GRB2: variants seen among roughly 807,000 people sequenced by gnomAD.
GRB2 encodes the protein growth factor receptor-bound protein 2.
In GRB2, 2 loss-of-function variants were observed where a neutral mutation model predicts 27.4. That is an observed-to-expected ratio of 0.07 (90% confidence interval 0.03 to 0.23). The LOEUF (loss-of-function observed/expected upper bound fraction) is 0.23. Among genes scored for constraint, GRB2 ranks in the 10% least tolerant of loss-of-function variants. The pLI is 1.00. For missense variants in GRB2, 102 were observed against 282.4 expected (o/e 0.36, Z 4.58); for synonymous variants, 94 against 99.6 (o/e 0.94, Z 0.33).
intron 3 of GRB2, among the ~76,000 whole-genome samples, chr17:75,329,307 G>A (rs1030785217): frequency 6.6e-6 from 1 of 151,994 alleles, no homozygotes; most frequent in Non-Finnish European, 1.5e-5. Context: ...AAATAGCCTA[G>A]ATGTACATGA....
intron 2 of GRB2, chr17:75,370,954 A>T (rs935949488): frequency 6.6e-6 from 1 of 152,218 alleles, no homozygotes; most frequent in Non-Finnish European, 1.5e-5. Flanking sequence ...GTTGGATGGA[A>T]CAAATGTCCA....
chr17:75,391,609 T>C (rs570160357), intron 2 of GRB2, among the ~76,000 whole-genome samples: 31 of 152,114 alleles, frequency 2.0e-4, no homozygotes, highest in African/African-American at 6.3e-4. Flanking sequence ...GAGATTGAGA[T>C]CATCCTGGCT....
chr17:75,405,335 G>C (rs777307150), intron 1 of GRB2, 154 bp downstream of exon 1: 1 of 152,460 alleles, frequency 6.6e-6, no homozygotes, highest in East Asian at 1.9e-4. Flanking sequence ...GAAACGTAGA[G>C]TCCGGAGCCC....
intron 2 of GRB2, among the ~76,000 whole-genome samples, chr17:75,381,499 A>G (rs925538178): frequency 1.3e-5 from 2 of 151,812 alleles, no homozygotes; most frequent in Non-Finnish European, 2.9e-5. Flanking sequence ...CGGGCAGATC[A>G]TGAGGTCAGG....
At chr17:75,390,343 T>C (rs563688818) in intron 2 of GRB2, among the ~76,000 whole-genome samples, 86 of 152,310 alleles carry the variant, frequency 5.6e-4, no homozygotes, top group Non-Finnish European at 9.6e-4. Flanking sequence ...TAAATGGCAG[T>C]TGCAACTCCT....
intron 2 of GRB2, among the ~76,000 whole-genome samples, chr17:75,392,666 G>A (rs2079005731): frequency 6.6e-6 from 1 of 152,080 alleles, no homozygotes; most frequent in Non-Finnish European, 1.5e-5. Context: ...TGAGACACAG[G>A]GAACACTCAA....
chr17:75,385,565 G>A (rs968907225), intron 2 of GRB2, among the ~76,000 whole-genome samples: 1 of 151,986 alleles, frequency 6.6e-6, no homozygotes, highest in Non-Finnish European at 1.5e-5. Flanking sequence ...ATAAAAAAAG[G>A]GAAAAGAACA....
chr17:75,327,379 CT>C (rs1180525289), intron 3 of GRB2, among the ~76,000 whole-genome samples: 22 of 114,138 alleles, frequency 1.9e-4, no homozygotes, highest in East Asian at 5.3e-4. Flanking sequence ...ACGCCCGGCC[CT>C]TTTTTTTTTA....
At chr17:75,404,939 T>C (rs1006479783) in intron 1 of GRB2, 1 of 147,364 alleles carries the variant, frequency 6.8e-6, no homozygotes, top group Non-Finnish European at 1.5e-5. Context: ...TGAATTTTTC[T>C]TGACAAATAT....
At chr17:75,337,886 CTACTACTACTACTACTAT>C (rs1391820774) in intron 2 of GRB2, among the ~76,000 whole-genome samples, 1 of 122,782 alleles carries the variant, frequency 8.1e-6, no homozygotes. Context: ...ACTACTACTA[CTACTACTACTACTACTAT>C]TATTATTATT....
intron 2 of GRB2, among the ~76,000 whole-genome samples, chr17:75,342,444 TA>T (rs1247906732): frequency 1.3e-5 from 2 of 152,224 alleles, no homozygotes; most frequent in Admixed American, 1.3e-4. Flanking sequence ...TCTTTTTTAA[TA>T]AAAAATTGAG....
At chr17:75,362,117 GGC>G (rs1392533145) in intron 2 of GRB2, among the ~76,000 whole-genome samples, 2 of 29,928 alleles carry the variant, frequency 6.7e-5, no homozygotes, top group African/African-American at 1.1e-4. Flanking sequence ...ATCACCCTCA[GGC>G]CCAGTTTTAG....
chr17:75,365,787 G>T (rs1401417014), intron 2 of GRB2, among the ~76,000 whole-genome samples: 1 of 152,128 alleles, frequency 6.6e-6, no homozygotes, highest in Non-Finnish European at 1.5e-5. Context: ...GTGCCCAGGG[G>T]TTGCTCAGGA....
intron 1 of GRB2, among the ~76,000 whole-genome samples, chr17:75,399,892 G>T (rs899834621): frequency 6.6e-6 from 1 of 151,160 alleles, no homozygotes; most frequent in Non-Finnish European, 1.5e-5. Context: ...GGATGGTCTC[G>T]ATCTCCTGAC....
At chr17:75,359,499 T>C (rs565446700) in intron 2 of GRB2, among the ~76,000 whole-genome samples, 6 of 106,016 alleles carry the variant, frequency 5.7e-5, no homozygotes, top group South Asian at 3.5e-4. Context: ...GAGTGAGGCA[T>C]TGTCTCAAAA....
At chr17:75,381,657 G>A (rs1157124500) in intron 2 of GRB2, among the ~76,000 whole-genome samples, 1 of 144,446 alleles carries the variant, frequency 6.9e-6, no homozygotes, top group African/African-American at 2.6e-5. Context: ...GGAGGCAGAG[G>A]TTGCAATGAG....
chr17:75,341,029 C>T (rs530404941), intron 2 of GRB2, among the ~76,000 whole-genome samples: 10 of 152,146 alleles, frequency 6.6e-5, no homozygotes, highest in Non-Finnish European at 1.3e-4. Flanking sequence ...AGCAAGGCCA[C>T]GGCTCAATAA....
chr17:75,395,180 A>G (rs1414878239), intron 1 of GRB2, among the ~76,000 whole-genome samples: 1 of 152,194 alleles, frequency 6.6e-6, no homozygotes, highest in Admixed American at 6.5e-5. Context: ...GCAGTGGGGA[A>G]TATTAAGATT....
intron 3 of GRB2, among the ~76,000 whole-genome samples, chr17:75,327,822 T>A (rs565191813): frequency 6.6e-6 from 1 of 152,308 alleles, no homozygotes; most frequent in South Asian, 2.1e-4. Context: ...TGTGTCAGCC[T>A]CTAGGGACTC....
Sources: gnomAD v4.1 joint callset for allele counts (sites outside exome capture counted in the v4.1 genomes callset) on GRCh38, gnomAD v4.1.1 for gene constraint, MANE v1.5 for transcripts, NCBI Gene and HGNC (gene_info 2026-07-23, HGNC 2026-07-21) for gene names.